Variants in VWC2 observed in about 807,000 individuals in gnomAD.
VWC2 encodes brorin.
A neutral mutation model predicts 29.8 loss-of-function variants in VWC2; 14 were observed. That is an observed-to-expected ratio of 0.47 (90% CI 0.31 to 0.74). The LOEUF is 0.74. VWC2 is among the 30% of genes least tolerant of loss of function. The probability of loss-of-function intolerance (pLI) is 0.05; values close to 1 mark genes in which losing one functional copy is unlikely to be tolerated. For synonymous variants in VWC2, 213 were observed against 199.0 expected, an observed-to-expected ratio of 1.07 and a Z score of -0.59; for missense variants, 457 against 459.8, an observed-to-expected ratio of 0.99 and a Z score of 0.05.
intron 3 of VWC2, among the ~76,000 whole-genome samples, chr7:49,902,469 G>A (rs1246971048): frequency 6.6e-6 from 1 of 150,902 alleles, no homozygotes. Context: ...AGGTGCAAAG[G>A]TAACTCAATG....
chr7:49,846,697 A>C (rs1441749119), intron 3 of VWC2, among the ~76,000 whole-genome samples: 1 of 152,228 alleles, frequency 6.6e-6, no homozygotes, highest in African/African-American at 2.4e-5. Flanking sequence ...CACTGTGCCT[A>C]AAGAGCAAAG....
intron 2 of VWC2, among the ~76,000 whole-genome samples, chr7:49,785,545 A>C (rs897939031): frequency 2.0e-5 from 3 of 152,238 alleles, no homozygotes; most frequent in Non-Finnish European, 2.9e-5. Flanking sequence ...CAATGAATCT[A>C]AAGAAAGATA....
intron 3 of VWC2, among the ~76,000 whole-genome samples, chr7:49,877,123 G>T (rs1791443382): frequency 6.6e-6 from 1 of 151,970 alleles, no homozygotes. Flanking sequence ...AAATACATTG[G>T]AAGACACGTA....
intron 2 of VWC2, among the ~76,000 whole-genome samples, chr7:49,797,595 C>T (rs532314677): frequency 3.3e-5 from 5 of 152,146 alleles, no homozygotes; most frequent in East Asian, 1.9e-4. Context: ...TCAGGTCAGA[C>T]GTGCACACCG....
chr7:49,862,428 T>G (rs1346534721), intron 3 of VWC2, among the ~76,000 whole-genome samples: 1 of 152,196 alleles, frequency 6.6e-6, no homozygotes, highest in African/African-American at 2.4e-5. Flanking sequence ...GAGATAGTTT[T>G]ATTTCTTCCT....
chr7:49,838,639 C>T (rs1037213875), intron 3 of VWC2, among the ~76,000 whole-genome samples: 7 of 151,868 alleles, frequency 4.6e-5, no homozygotes, highest in Admixed American at 1.3e-4. Flanking sequence ...AACGTGGCTC[C>T]GTACAAGCAG....
At position 49,912,547 on chromosome 7, in the gene VWC2, C is replaced by T. The variant is rs1793513192; in HGVS notation, c.*362C>T. ...AATGCTGTGTTGTCAACCGTCCTCA[C>T]CGTGTACCTGCATATCTTTTTCAGT... is the stretch of plus-strand genomic sequence containing the variant. On this transcript the variant is annotated 3_prime_UTR_variant, in exon 4 of 4. Transcript: ENST00000340652. 6.0e-6 allele frequency: 1 copy of T among 167,188 alleles called. No individual in the cohort carries two copies. The highest frequency in any genetic ancestry group is 6.1e-5 in the Admixed American group (1 of 16,446). The allele number at this position is 167,188 out of a possible 1,614,324, so 10.4% of individuals were successfully genotyped here. A position where few individuals can be genotyped will look rare whatever the true frequency, so the allele number is the denominator to read the frequency against.
intron 3 of VWC2, among the ~76,000 whole-genome samples, chr7:49,808,264 T>C (rs1788921898): frequency 6.6e-6 from 1 of 152,120 alleles, no homozygotes. Flanking sequence ...AAGAATTGTA[T>C]ATCTAATTTT....
At chr7:49,798,347 A>T (rs1446310647) in intron 2 of VWC2, among the ~76,000 whole-genome samples, 1 of 152,228 alleles carries the variant, frequency 6.6e-6, no homozygotes, top group African/African-American at 2.4e-5. Context: ...TGGGTTGGTG[A>T]AATGAGCCTA....
intron 2 of VWC2, among the ~76,000 whole-genome samples, chr7:49,795,067 C>G (rs1788555730): frequency 6.6e-6 from 1 of 152,104 alleles, no homozygotes; most frequent in African/African-American, 2.4e-5. Flanking sequence ...TTCTTTATAT[C>G]TCTCCTTGAG....
rs374391760 is a variant in VWC2 at position 49,841,721 on chromosome 7, C to A, written c.826+38881C>A. Among the ~76,000 whole-genome samples, 15 of 152,310 alleles carry A rather than the reference C, an allele frequency of 9.8e-5. No homozygotes were observed. In the East Asian group the frequency reaches 2.1e-3, roughly 22 times the overall value. On this transcript the variant is annotated intron_variant, in intron 3 of 3. Transcript: ENST00000340652. ...TTCTAATCATTCATCCTACTTGATG[C>A]CCTTGTCCACACATTTCTTATAATG...
At position 49,919,447 on chromosome 7, in the gene VWC2, T is replaced by C. The variant is rs1011436427; in HGVS notation, c.*7262T>C. ...CATTTTCTGATACATAGTAGCTAGC[T>C]AGTGATAAAATTATGAAGTTACCAT... is the stretch of plus-strand genomic sequence containing the variant. On this transcript the variant is annotated 3_prime_UTR_variant, in exon 4 of 4. Coordinates refer to ENST00000340652, the MANE Select transcript of VWC2 (RefSeq NM_198570.5). 1 of 152,168 alleles carries C rather than the reference T, an allele frequency of 6.6e-6. No homozygotes were observed. Among genetic ancestry groups the C allele is most frequent in the South Asian group, 2.1e-4 (1 of 4,830 alleles). 9.4% of individuals were successfully genotyped at this position (152,168 alleles called of 1,614,324 possible).
intron 1 of VWC2, 88 bp from the exon 2 acceptor site, chr7:49,775,245 G>A: frequency 3.4e-6 from 1 of 294,552 alleles, no homozygotes; most frequent in East Asian, 6.3e-5. Context: ...CGTTAATCTA[G>A]AGCTATGCCG....
chr7:49,873,789 G>T (rs1791280007), intron 3 of VWC2, among the ~76,000 whole-genome samples: 1 of 151,906 alleles, frequency 6.6e-6, no homozygotes, highest in Non-Finnish European at 1.5e-5. Context: ...GAAACAGGCT[G>T]AATGTGGCCA....
chr7:49,814,287 G>T (rs1259332848), intron 3 of VWC2, among the ~76,000 whole-genome samples: 1 of 152,060 alleles, frequency 6.6e-6, no homozygotes, highest in Non-Finnish European at 1.5e-5. Context: ...CTCTGTGTTT[G>T]CTGTTGCTAT....
In VWC2 at chr7:49,901,747, GA is replaced by G. The variant is rs374537765; in HGVS notation, c.827-10282del. On this transcript the variant is annotated intron_variant, in intron 3 of 3. Coordinates refer to ENST00000340652, the MANE Select transcript of VWC2 (RefSeq NM_198570.5). ...GAATAGCCAACACGATATTGAAAGA[GA>G]AAAACGTAGCTGAACTTAATATAAA... Among the ~76,000 whole-genome samples the G allele has an allele frequency of 4.2e-3, 640 of 151,892 alleles. 3 individuals carry two copies. The highest frequency in any genetic ancestry group is 0.015 in the African/African-American group (622 of 41,518).
intron 3 of VWC2, among the ~76,000 whole-genome samples, chr7:49,844,179 C>T (rs955370470): frequency 2.6e-5 from 4 of 152,208 alleles, no homozygotes; most frequent in African/African-American, 7.2e-5. Flanking sequence ...AGACGGGAAT[C>T]GCACACTCAG....
At chr7:49,837,016 CT>C (rs912849116) in intron 3 of VWC2, among the ~76,000 whole-genome samples, 1 of 152,166 alleles carries the variant, frequency 6.6e-6, no homozygotes, top group African/African-American at 2.4e-5. Flanking sequence ...GAAATTTAGT[CT>C]TTGAAGTTTA....
chr7:49,813,054 A>C (rs1209020043), intron 3 of VWC2, among the ~76,000 whole-genome samples: 5 of 152,150 alleles, frequency 3.3e-5, no homozygotes, highest in Non-Finnish European at 5.9e-5. Context: ...CCAACTCCCC[A>C]CATGTCCCGC....
Sources: allele counts gnomAD v4.1 joint callset (sites outside exome capture counted in the v4.1 genomes callset), GRCh38; gene constraint gnomAD v4.1.1; transcripts MANE v1.5; gene names NCBI Gene and HGNC (gene_info 2026-07-23, HGNC 2026-07-21).